PSD3: variants seen among roughly 807,000 people sequenced by gnomAD.
PSD3 encodes the protein pleckstrin and Sec7 domain containing 3, also known as PH and SEC7 domain-containing protein 3.
Under a neutral mutation model 105.5 loss-of-function variants are expected in PSD3, and 49 were observed. The observed-to-expected ratio is 0.46, with a 90% confidence interval of 0.37 to 0.59. The LOEUF (loss-of-function observed/expected upper bound fraction) is 0.59. Ranked by LOEUF, PSD3 falls within the 20% of genes least tolerant of loss-of-function variation. The probability of loss-of-function intolerance (pLI) is 0.00; values close to 1 mark genes in which losing one functional copy is unlikely to be tolerated. For synonymous variants in PSD3, 557 were observed against 457.8 expected (o/e 1.22, Z -2.77); for missense variants, 1,561 against 1,263.8 (o/e 1.24, Z -3.57).
At position 18,943,279 on chromosome 8, in the gene PSD3, T is replaced by C. The variant is rs570016652; in HGVS notation, c.22-7137A>G. Among the ~76,000 whole-genome samples the C allele has an allele frequency of 2.6e-5, 4 of 152,250 alleles. No individual in the cohort carries two copies. The East Asian group carries it at 7.7e-4, about 29-fold the overall frequency. ...GTTTATGGGGAAGGGAGACGTCCAG[T>C]GTAAAAAGGAAAAAGAAAAAGTTTT... On this transcript the variant is annotated intron_variant, in intron 1 of 15. Transcript: ENST00000327040.
At chr8:18,775,809 C>G (rs986736780) in intron 8 of PSD3, among the ~76,000 whole-genome samples, 4 of 152,110 alleles carry the variant, frequency 2.6e-5, no homozygotes, top group African/African-American at 9.7e-5. Flanking sequence ...ATTTCCTTTA[C>G]TGGGCAGAAG....
chr8:18,913,096 C>T (rs963358192), intron 2 of PSD3, among the ~76,000 whole-genome samples: 2 of 150,314 alleles, frequency 1.3e-5, no homozygotes, highest in Admixed American at 6.6e-5. Flanking sequence ...AACACACACA[C>T]ACACACACAC....
At chr8:18,796,271 C>T (rs1810169474) in intron 8 of PSD3, among the ~76,000 whole-genome samples, 1 of 152,112 alleles carries the variant, frequency 6.6e-6, no homozygotes, top group Non-Finnish European at 1.5e-5. Context: ...AGTGTTTTCC[C>T]ATCATAGCAC....
rs536378151 is a variant in PSD3 at position 18,619,894 on chromosome 8, A to G, written c.2410+12719T>C. On this transcript the variant is annotated intron_variant, in intron 11 of 15. Transcript: ENST00000327040. ...GCCGTCCTTTGTGGGGGAAATTAAC[A>G]TCTTTGGAGAATCGCCATTGATGCA... is the stretch of plus-strand genomic sequence containing the variant. Among the ~76,000 whole-genome samples the G allele has an allele frequency of 7.2e-5, 11 of 152,294 alleles. No homozygotes were observed. The South Asian group carries it at 2.1e-3, about 29-fold the overall frequency.
At chr8:18,847,123 C>T (rs924991035) in intron 4 of PSD3, among the ~76,000 whole-genome samples, 2 of 152,130 alleles carry the variant, frequency 1.3e-5, no homozygotes, top group Admixed American at 6.5e-5. Context: ...GCTGCTGAGG[C>T]GCACACTTCT....
intron 9 of PSD3, among the ~76,000 whole-genome samples, chr8:18,732,339 T>A (rs926506485): frequency 6.6e-6 from 1 of 152,232 alleles, no homozygotes; most frequent in East Asian, 1.9e-4. Context: ...ATTAGGAAGC[T>A]ACAAATCCTG....
At chr8:18,769,188 C>A (rs1274846457) in intron 8 of PSD3, among the ~76,000 whole-genome samples, 4 of 152,108 alleles carry the variant, frequency 2.6e-5, no homozygotes, top group African/African-American at 9.7e-5. Context: ...TAAATAATGA[C>A]TAGGTAACAA....
intron 9 of PSD3, among the ~76,000 whole-genome samples, chr8:18,741,306 G>A (rs930794904): frequency 2.0e-5 from 3 of 152,150 alleles, no homozygotes; most frequent in Non-Finnish European, 2.9e-5. Context: ...GACTCTGAAA[G>A]CCTCCTTAAT....
chr8:18,803,030 A>C (rs1810845681), intron 6 of PSD3: 1 of 154,430 alleles, frequency 6.5e-6, no homozygotes, highest in African/African-American at 2.4e-5. Context: ...TCACGCCTGT[A>C]ATCCTAGCAC....
intron 14 of PSD3, among the ~76,000 whole-genome samples, chr8:18,562,816 G>C (rs1340922181): frequency 6.6e-6 from 1 of 152,080 alleles, no homozygotes; most frequent in Non-Finnish European, 1.5e-5. Flanking sequence ...TTGAACCTGG[G>C]AGGCGGAGGT....
intron 2 of PSD3, among the ~76,000 whole-genome samples, chr8:18,903,053 T>C (rs114618821): frequency 6.6e-6 from 1 of 152,114 alleles, no homozygotes; most frequent in South Asian, 2.1e-4. Context: ...GAGTGCGAAC[T>C]TGCTGTCTGT....
intron 2 of PSD3, among the ~76,000 whole-genome samples, chr8:18,926,877 C>A (rs924863084): frequency 2.6e-5 from 4 of 152,090 alleles, no homozygotes; most frequent in Non-Finnish European, 5.9e-5. Flanking sequence ...ACCCCTAACC[C>A]CATGCCCTAA....
intron 11 of PSD3, among the ~76,000 whole-genome samples, chr8:18,616,019 A>G (rs1805632600): frequency 7.4e-6 from 1 of 135,306 alleles, no homozygotes; most frequent in African/African-American, 2.7e-5. Flanking sequence ...TCTCCAAGGA[A>G]TATAACAGCC....
At chr8:18,736,709 A>G (rs1180231071) in intron 9 of PSD3, among the ~76,000 whole-genome samples, 1 of 152,200 alleles carries the variant, frequency 6.6e-6, no homozygotes, top group Non-Finnish European at 1.5e-5. Context: ...ACAAGAGATG[A>G]AAAAAATTGG....
chr8:18,758,818 C>A (rs529042537), intron 9 of PSD3, among the ~76,000 whole-genome samples: 6 of 152,156 alleles, frequency 3.9e-5, no homozygotes, highest in African/African-American at 1.4e-4. Flanking sequence ...TTTCAGCTGA[C>A]AAGATAGGTT....
intron 1 of PSD3, among the ~76,000 whole-genome samples, chr8:19,036,576 G>A (rs1827949963): frequency 6.6e-6 from 1 of 152,172 alleles, no homozygotes; most frequent in Non-Finnish European, 1.5e-5. Flanking sequence ...AAGCAAACCA[G>A]TTGAGCTCAG....
intron 9 of PSD3, among the ~76,000 whole-genome samples, chr8:18,661,385 C>T (rs1809337364): frequency 6.6e-6 from 1 of 152,140 alleles, no homozygotes; most frequent in African/African-American, 2.4e-5. Flanking sequence ...ATTAAATATG[C>T]ACCACTCTGG....
At chr8:18,744,451 T>C (rs1804822623) in intron 9 of PSD3, among the ~76,000 whole-genome samples, 1 of 152,214 alleles carries the variant, frequency 6.6e-6, no homozygotes, top group African/African-American at 2.4e-5. Flanking sequence ...ACTGTATTAA[T>C]TACATGAATA....
At chr8:18,877,950 T>C (rs906243832) in intron 2 of PSD3, among the ~76,000 whole-genome samples, 18 of 152,174 alleles carry the variant, frequency 1.2e-4, no homozygotes, top group African/African-American at 4.3e-4. Context: ...TTTTTCAGGT[T>C]GTTTTGGTCA....
Sources: allele counts gnomAD v4.1 joint callset (sites outside exome capture counted in the v4.1 genomes callset), GRCh38; gene constraint gnomAD v4.1.1; transcripts MANE v1.5; gene names NCBI Gene and HGNC (gene_info 2026-07-23, HGNC 2026-07-21).